CUBN: variants seen among roughly 807,000 people sequenced by gnomAD.
CUBN encodes cubilin, also known as 460 kDa receptor.
A neutral mutation model predicts 405.3 loss-of-function variants in CUBN; 282 were observed. The ratio of observed to expected loss-of-function variants is 0.70; its 90% CI spans 0.63 to 0.77. The LOEUF (loss-of-function observed/expected upper bound fraction) is 0.77, where lower values mean the gene tolerates loss of function less well. Ranked by LOEUF, CUBN falls within the 30% of genes least tolerant of loss-of-function variation. The pLI, the probability that CUBN is intolerant of heterozygous loss-of-function variation, is 0.00. For missense variants in CUBN, 4,514 were observed against 4,475.2 expected, an observed-to-expected ratio of 1.01 and a Z score of -0.25; for synonymous variants, 1,684 against 1,617.0, an observed-to-expected ratio of 1.04 and a Z score of -0.99.
At chr10:17,019,413 C>T (rs1485388482) in intron 28 of CUBN, among the ~76,000 whole-genome samples, 1 of 152,062 alleles carries the variant, frequency 6.6e-6, no homozygotes, top group African/African-American at 2.4e-5. Flanking sequence ...GACTTTCATT[C>T]TTTCTAGTCT....
At chr10:16,846,796 G>C (rs918857023) in intron 60 of CUBN, among the ~76,000 whole-genome samples, 3 of 132,296 alleles carry the variant, frequency 2.3e-5, no homozygotes, top group Admixed American at 8.6e-5. Context: ...TGGGTGACAA[G>C]ATAGAAACTC....
At chr10:16,957,639 T>C (rs1188234334) in intron 31 of CUBN, among the ~76,000 whole-genome samples, 3 of 152,140 alleles carry the variant, frequency 2.0e-5, no homozygotes, top group African/African-American at 7.2e-5. Context: ...GGAATGTAAA[T>C]TGATACAGCC....
At chr10:16,928,612 C>G (rs1180118823) in intron 40 of CUBN, among the ~76,000 whole-genome samples, 4 of 147,028 alleles carry the variant, frequency 2.7e-5, no homozygotes, top group East Asian at 4.1e-4. Flanking sequence ...TTAATGCAGC[C>G]TCTGCCTCTG....
At chr10:17,073,478 C>T (rs1462368429) in intron 17 of CUBN, among the ~76,000 whole-genome samples, 2 of 130,334 alleles carry the variant, frequency 1.5e-5, no homozygotes, top group African/African-American at 2.9e-5. Context: ...TGGAGTTTCG[C>T]TCTTGTCACC....
At chr10:17,000,441 C>T (rs1470737275) in intron 28 of CUBN, among the ~76,000 whole-genome samples, 1 of 152,202 alleles carries the variant, frequency 6.6e-6, no homozygotes, top group East Asian at 1.9e-4. Flanking sequence ...CCGCCCCAAC[C>T]CACATATTAT....
At position 17,035,360 on chromosome 10, in the gene CUBN, C is replaced by T. The variant is rs571467954; in HGVS notation, c.4017+5673G>A. Among the ~76,000 whole-genome samples the T allele has an allele frequency of 1.2e-4, 18 of 152,198 alleles. No homozygotes were observed. In the East Asian group the frequency reaches 3.1e-3, roughly 26 times the overall value. On this transcript the variant is annotated intron_variant, in intron 27 of 66. Coordinates refer to ENST00000377833, the MANE Select transcript of CUBN (RefSeq NM_001081.4). ...TTAGAAAAAATGTCTAATTTTAAGG[C>T]TGTGACTAGGGCAAATGAAAGAGGG...
intron 6 of CUBN, among the ~76,000 whole-genome samples, chr10:17,117,112 G>T (rs1836919981): frequency 6.6e-6 from 1 of 151,940 alleles, no homozygotes; most frequent in African/African-American, 2.4e-5. Context: ...AAGAGAAATT[G>T]AATTATCCAT....
chr10:17,015,817 T>A (rs970554644), intron 28 of CUBN, among the ~76,000 whole-genome samples: 42 of 152,148 alleles, frequency 2.8e-4, no homozygotes, highest in African/African-American at 1.0e-3. Flanking sequence ...TTTTAAAGTG[T>A]CCTTGTAAAC....
intron 60 of CUBN, among the ~76,000 whole-genome samples, chr10:16,843,418 TG>T (rs1198677633): frequency 1.3e-5 from 2 of 152,188 alleles, no homozygotes; most frequent in African/African-American, 2.4e-5. Context: ...AAGACAGGAA[TG>T]ACTAAAACCA....
At chr10:17,126,877 G>A in intron 3 of CUBN, 78 bp from the exon 4 acceptor site, 2 of 1,430,496 alleles carry the variant, frequency 1.4e-6, no homozygotes, top group Non-Finnish European at 2.0e-6. Context: ...TTGACATATT[G>A]TCCTAATGCC....
At chr10:17,118,505 C>T (rs1388253551) in intron 6 of CUBN, among the ~76,000 whole-genome samples, 3 of 152,090 alleles carry the variant, frequency 2.0e-5, no homozygotes, top group East Asian at 3.9e-4. Context: ...GGTGCGATCT[C>T]GGCTCACTGC....
intron 59 of CUBN, among the ~76,000 whole-genome samples, chr10:16,867,489 A>T (rs913401657): frequency 2.0e-5 from 3 of 152,230 alleles, no homozygotes; most frequent in Admixed American, 1.3e-4. Flanking sequence ...TTGTAAGACC[A>T]CTGCAATGCA....
chr10:17,062,155 A>C (rs1057463549), intron 22 of CUBN, among the ~76,000 whole-genome samples: 1 of 152,150 alleles, frequency 6.6e-6, no homozygotes, highest in African/African-American at 2.4e-5. Flanking sequence ...ATTCCTTTCT[A>C]TCCTACTCCA....
chr10:17,004,255 T>C (rs61842770), intron 28 of CUBN, among the ~76,000 whole-genome samples: 21,601 of 152,254 alleles, frequency 0.14, 1,676 homozygotes, highest in African/African-American at 0.21. Context: ...TAACTGATCA[T>C]GCTCAGCTTG....
chr10:16,928,009 C>T, intron 41 of CUBN, 148 bp downstream of exon 41: 1 of 861,552 alleles, frequency 1.2e-6, no homozygotes, highest in Non-Finnish European at 1.9e-6. Context: ...TAAGGGGAGC[C>T]AGCCATCCAG....
intron 27 of CUBN, among the ~76,000 whole-genome samples, chr10:17,036,474 G>T (rs985182122): frequency 6.6e-6 from 1 of 152,128 alleles, no homozygotes; most frequent in South Asian, 2.1e-4. Flanking sequence ...TCCTGTGTGT[G>T]GGGAGGTGTG....
rs765250352 is a variant in CUBN, at chr10:16,982,650, C to T, written c.4529G>A (p.Cys1510Tyr). ...NASWQAVTGG[C>Y]GGIFQAPSGE... ...ACTGGGAGCCTGGAAAATCCCACCACAACCTGGAAGTGGGGAACACAATTA... is the reference window on the plus strand; with the variant it reads ...ACTGGGAGCCTGGAAAATCCCACCATAACCTGGAAGTGGGGAACACAATTA... The change falls in exon 31 of 67, where the codon TGT becomes TAT. Residue 1510 changes from cysteine (C) to tyrosine (Y), a missense_variant. Coordinates refer to ENST00000377833, the MANE Select transcript of CUBN (RefSeq NM_001081.4). The T allele has an allele frequency of 6.8e-6, 11 of 1,612,364 alleles. No homozygotes were observed. The highest frequency in any genetic ancestry group is 9.3e-6 in the Non-Finnish European group (11 of 1,178,874).
intron 28 of CUBN, among the ~76,000 whole-genome samples, chr10:16,998,788 A>G (rs930552719): frequency 6.6e-6 from 1 of 152,218 alleles, no homozygotes; most frequent in Admixed American, 6.5e-5. Context: ...TGAAAACAGA[A>G]AAGGTCTATT....
chr10:17,085,960 T>C (rs1425418573), intron 15 of CUBN, among the ~76,000 whole-genome samples: 2 of 142,412 alleles, frequency 1.4e-5, no homozygotes, highest in Non-Finnish European at 3.0e-5. Flanking sequence ...CTTCTCTCTG[T>C]CTGAATTTTT....
Sources: gnomAD v4.1 joint callset for allele counts (sites outside exome capture counted in the v4.1 genomes callset) on GRCh38, gnomAD v4.1.1 for gene constraint, MANE v1.5 for transcripts, NCBI Gene and HGNC (gene_info 2026-07-23, HGNC 2026-07-21) for gene names.